CCDC102B: variants seen among roughly 807,000 people sequenced by gnomAD.
The protein encoded by CCDC102B is coiled-coil domain containing 102B, also known as coiled-coil domain-containing protein 102B.
CCDC102B carries 75 observed loss-of-function variants against 57.4 expected under a neutral mutation model. The ratio of observed to expected loss-of-function variants is 1.31; its 90% CI spans 1.08 to 1.58. The LOEUF (loss-of-function observed/expected upper bound fraction) is 1.58, where lower values mean the gene tolerates loss of function less well. Among genes scored for constraint, CCDC102B ranks in the 40% most tolerant of loss-of-function variants. The probability of loss-of-function intolerance (pLI) is 0.00; values close to 1 mark genes in which losing one functional copy is unlikely to be tolerated. For missense variants in CCDC102B, 636 were observed against 582.6 expected, an observed-to-expected ratio of 1.09 and a Z score of -0.94; for synonymous variants, 206 against 201.9, an observed-to-expected ratio of 1.02 and a Z score of -0.17.
chr18:69,040,299 T>C (rs1466870455), intron 7 of CCDC102B, among the ~76,000 whole-genome samples: 3 of 151,934 alleles, frequency 2.0e-5, no homozygotes, highest in East Asian at 3.9e-4. Context: ...AAGTTATATA[T>C]AATATTTATT....
chr18:68,718,027 G>C (rs561979201), intron 2 of CCDC102B: 1 of 152,352 alleles, frequency 6.6e-6, no homozygotes, highest in Non-Finnish European at 1.5e-5. Context: ...CAACAAGAAG[G>C]TACCATCCTG....
Position 69,047,546 on chromosome 18 carries a change from T to C in CCDC102B, c.1435-6484T>C, listed in dbSNP as rs185512759. On this transcript the variant is annotated intron_variant, in intron 7 of 7. Coordinates refer to ENST00000360242, the MANE Select transcript of CCDC102B (RefSeq NM_024781.3). Reference sequence around the variant, plus strand: ...GTATGAGAAGCCCTGACTAGAGCTATCAGGCAAGAGAGAAATAAAACGCAT... The same window carrying C: ...GTATGAGAAGCCCTGACTAGAGCTACCAGGCAAGAGAGAAATAAAACGCAT... Among the ~76,000 whole-genome samples, 38 of 152,168 alleles carry C rather than the reference T, an allele frequency of 2.5e-4. 1 individual carries two copies. The highest frequency in any genetic ancestry group is 2.0e-3 in the Admixed American group (30 of 15,258).
At chr18:68,730,783 GA>G (rs2032824288) in intron 2 of CCDC102B, among the ~76,000 whole-genome samples, 1 of 152,142 alleles carries the variant, frequency 6.6e-6, no homozygotes, top group African/African-American at 2.4e-5. Context: ...CCTTGAGTCA[GA>G]AAATGTCTTC....
chr18:68,984,189 G>T (rs2050665208), intron 6 of CCDC102B, among the ~76,000 whole-genome samples: 1 of 151,038 alleles, frequency 6.6e-6, no homozygotes, highest in South Asian at 2.1e-4. Context: ...AAAAAAAAAA[G>T]TTTAAAATAT....
intron 7 of CCDC102B, among the ~76,000 whole-genome samples, chr18:69,018,493 A>G (rs1290280873): frequency 1.3e-5 from 2 of 152,122 alleles, no homozygotes; most frequent in African/African-American, 2.4e-5. Flanking sequence ...GTCATGTATC[A>G]TTGTGATTAC....
chr18:68,866,992 T>G (rs1164808539), intron 4 of CCDC102B: 2 of 361,208 alleles, frequency 5.5e-6, no homozygotes, highest in Non-Finnish European at 1.1e-5. Flanking sequence ...TCTTGGTTCT[T>G]ACTGTGTTGT....
intron 2 of CCDC102B, among the ~76,000 whole-genome samples, chr18:68,789,311 G>A (rs1360541339): frequency 6.6e-6 from 1 of 151,892 alleles, no homozygotes; most frequent in Non-Finnish European, 1.5e-5. Flanking sequence ...ATGTGTCTTG[G>A]AGTTGCTCTT....
chr18:68,832,830 G>A (rs2037203659), intron 1 of CCDC102B, among the ~76,000 whole-genome samples: 1 of 151,998 alleles, frequency 6.6e-6, no homozygotes, highest in Non-Finnish European at 1.5e-5. Context: ...CAAGGAGAAG[G>A]TGGAGGTGAG....
At chr18:68,996,238 C>G (rs944631880) in intron 6 of CCDC102B, among the ~76,000 whole-genome samples, 2 of 152,106 alleles carry the variant, frequency 1.3e-5, no homozygotes, top group African/African-American at 4.8e-5. Flanking sequence ...CATGGAAGGA[C>G]CAGACTGGCT....
intron 2 of CCDC102B, chr18:68,838,360 A>T: frequency 1.0e-6 from 1 of 955,582 alleles, no homozygotes; most frequent in Non-Finnish European, 1.2e-6. Flanking sequence ...GTCTTATGAC[A>T]AAAGAAACTT....
intron 2 of CCDC102B, among the ~76,000 whole-genome samples, chr18:68,756,318 A>G (rs1034666683): frequency 2.0e-5 from 3 of 152,156 alleles, no homozygotes; most frequent in Non-Finnish European, 4.4e-5. Context: ...TTAAACAATA[A>G]ATAGATGGTT....
intron 2 of CCDC102B, among the ~76,000 whole-genome samples, chr18:68,789,790 T>C (rs1270641764): frequency 6.7e-6 from 1 of 148,974 alleles, no homozygotes; most frequent in East Asian, 2.0e-4. Flanking sequence ...CTCCCGTAGC[T>C]CAGAGTAATT....
At chr18:68,957,309 T>C (rs9955460) in intron 6 of CCDC102B, among the ~76,000 whole-genome samples, 50,050 of 151,856 alleles carry the variant, frequency 0.33, 10,534 homozygotes, top group African/African-American at 0.59. Flanking sequence ...GATAGGGGGT[T>C]TAGTTTCATT....
rs1283916842 is a variant in CCDC102B, at chr18:69,007,189, T to C, written c.1264-3745T>C. On this transcript the variant is annotated intron_variant, in intron 6 of 7. Transcript: ENST00000360242. ...TTTGCATTAAGGAAGCAATGTATTTTTCTCCTTAAGGTGAAATCCAGTTCT... is the reference window on the plus strand; with the variant it reads ...TTTGCATTAAGGAAGCAATGTATTTCTCTCCTTAAGGTGAAATCCAGTTCT... Among the ~76,000 whole-genome samples the C allele has an allele frequency of 2.0e-5, 3 of 151,960 alleles. No homozygotes were observed. In the East Asian group the frequency reaches 5.8e-4, roughly 29 times the overall value.
chr18:68,922,084 C>T (rs2041301756), intron 6 of CCDC102B, among the ~76,000 whole-genome samples: 1 of 152,118 alleles, frequency 6.6e-6, no homozygotes, highest in Non-Finnish European at 1.5e-5. Flanking sequence ...CAGCCATGCA[C>T]ACCAGAATCC....
chr18:68,996,233 AAGGACCAG>A (rs1347830559), intron 6 of CCDC102B, among the ~76,000 whole-genome samples: 3 of 152,088 alleles, frequency 2.0e-5, no homozygotes, highest in East Asian at 1.9e-4. Flanking sequence ...AGGAACATGG[AAGGACCAG>A]ACTGGCTGAG....
chr18:68,953,795 A>G (rs912371159), intron 6 of CCDC102B, among the ~76,000 whole-genome samples: 4 of 152,176 alleles, frequency 2.6e-5, no homozygotes, highest in Non-Finnish European at 5.9e-5. Context: ...GTCATGGTGC[A>G]AGCACACAGG....
chr18:68,885,402 A>G (rs1260416749), intron 5 of CCDC102B, among the ~76,000 whole-genome samples: 1 of 152,066 alleles, frequency 6.6e-6, no homozygotes, highest in Non-Finnish European at 1.5e-5. Context: ...TATCCATCCA[A>G]TAAGTAGCAT....
At chr18:68,864,133 A>C (rs8090362) in intron 4 of CCDC102B, among the ~76,000 whole-genome samples, 1 of 151,764 alleles carries the variant, frequency 6.6e-6, no homozygotes, top group African/African-American at 2.4e-5. Flanking sequence ...TTTATTGGTC[A>C]TAGTTTCTGA....
Sources: gnomAD v4.1 joint callset for allele counts (sites outside exome capture counted in the v4.1 genomes callset) on GRCh38, gnomAD v4.1.1 for gene constraint, MANE v1.5 for transcripts, NCBI Gene and HGNC (gene_info 2026-07-23, HGNC 2026-07-21) for gene names.